LRP3: variants seen among roughly 807,000 people sequenced by gnomAD.
LRP3 encodes LDL receptor related protein 3.
LRP3 carries 49 observed loss-of-function variants against 58.5 expected under a neutral mutation model. The ratio of observed to expected loss-of-function variants is 0.84; its 90% confidence interval spans 0.67 to 1.06. The LOEUF (loss-of-function observed/expected upper bound fraction) is 1.06. Ranked by LOEUF, LRP3 falls within the 50% of genes least tolerant of loss-of-function variation. The pLI, the probability that LRP3 is intolerant of heterozygous loss-of-function variation, is 0.00. For missense variants in LRP3, 1,019 were observed against 1,134.2 expected (o/e 0.90, Z 1.46); for synonymous variants, 485 against 492.2 (o/e 0.99, Z 0.20).
chr19:33,205,127 A>G (rs1192855154), intron 4 of LRP3, 119 bp from the exon 5 acceptor site: 2 of 1,120,806 alleles, frequency 1.8e-6, no homozygotes, highest in Non-Finnish European at 1.3e-6. Context: ...CTGGTGTTGG[A>G]GGGGTCTCTG....
At chr19:33,205,166 C>G in intron 4 of LRP3, 80 bp from the exon 5 acceptor site, 1 of 1,476,206 alleles carries the variant, frequency 6.8e-7, no homozygotes, top group Non-Finnish European at 9.2e-7. Context: ...ACCACCTGCC[C>G]GCTTTTGGCC....
rs188833072 is a variant in LRP3 at position 33,198,185 on chromosome 19, A to G, written c.121+1408A>G. Among the ~76,000 whole-genome samples the G allele has an allele frequency of 2.6e-5, 4 of 152,274 alleles. No homozygotes were observed. The South Asian group carries it at 6.2e-4, about 24-fold the overall frequency. On this transcript the variant is annotated intron_variant, in intron 2 of 6. Coordinates refer to ENST00000253193, the MANE Select transcript of LRP3 (RefSeq NM_002333.4). ...TGGGTGTGTCACCCCAAATGTGTATATACTCCACTTTCAGAAAAGTGCTTC... is the reference window on the plus strand; with the variant it reads ...TGGGTGTGTCACCCCAAATGTGTATGTACTCCACTTTCAGAAAAGTGCTTC...
chr19:33,206,930 G>GC lies in LRP3; in HGVS notation c.1726-57dup, dbSNP rs1456903397. The GC allele has an allele frequency of 5.7e-5, 75 of 1,312,602 alleles. 2 individuals are homozygous for GC. In the Middle Eastern group the frequency reaches 8.2e-4, roughly 14 times the overall value. The allele number at this position is 1,312,602 out of a possible 1,614,324, so 81.3% of individuals were successfully genotyped here. A position where few individuals can be genotyped will look rare whatever the true frequency, so the allele number is the denominator to read the frequency against. ...GGGGTGTGCTGTCTCCTGCCCCTGA[G>GC]CAGCCTGTCTGCCCCCTCAGCCGCA... On this transcript the variant is annotated intron_variant, in intron 6 of 6. Coordinates refer to ENST00000253193, the MANE Select transcript of LRP3 (RefSeq NM_002333.4).
At chr19:33,200,382 G>A (rs1055696035) in intron 2 of LRP3, among the ~76,000 whole-genome samples, 1 of 119,546 alleles carries the variant, frequency 8.4e-6, no homozygotes, top group African/African-American at 3.0e-5. Flanking sequence ...CAGACGCCCA[G>A]TACCACGCCT....
At position 33,207,058 on chromosome 19, in the gene LRP3, C is replaced by T. The variant is rs1974425116; in HGVS notation, c.1796C>T (p.Pro599Leu). The T allele has an allele frequency of 6.7e-7, 1 of 1,486,722 alleles. No homozygotes were observed. Among genetic ancestry groups the T allele is most frequent in the Non-Finnish European group, 8.9e-7 (1 of 1,124,652 alleles). 92.1% of individuals were successfully genotyped at this position (1,486,722 alleles called of 1,614,324 possible). ...CGTCGGCACGCCTCCCGCCGGGGGCCCTCCCGCCGCCGCCTCGGCCGCCTC... is the reference window on the plus strand; with the variant it reads ...CGTCGGCACGCCTCCCGCCGGGGGCTCTCCCGCCGCCGCCTCGGCCGCCTC... ...QMRRHASRRGPSRRRLGRLWN... is the reference protein window; with the variant it reads ...QMRRHASRRGLSRRRLGRLWN... The change falls in exon 7 of 7, where the codon CCC becomes CTC. Residue 599 changes from proline (P) to leucine (L), a missense_variant. By Grantham distance (98) the Pro-to-Leu change is moderately conservative (BLOSUM62 -3). This residue lies in a region of LRP3 where 427 missense variants were observed against 408.6 expected (regional missense o/e 1.04). Transcript: ENST00000253193.
intron 3 of LRP3, chr19:33,204,432 G>A (rs911630682): frequency 1.5e-5 from 9 of 603,544 alleles, no homozygotes; most frequent in Non-Finnish European, 2.7e-5. Context: ...GGAGCCTCCC[G>A]TGCACACCTG....
chr19:33,203,947 A>T (rs941846455), intron 3 of LRP3: 3 of 152,322 alleles, frequency 2.0e-5, no homozygotes, highest in Non-Finnish European at 4.4e-5. Flanking sequence ...TCACAGGGAC[A>T]TTTGGCTGGG....
At position 33,207,697 on chromosome 19, in the gene LRP3, C is replaced by T; in HGVS notation, c.*122C>T. On this transcript the variant is annotated 3_prime_UTR_variant, in exon 7 of 7. Coordinates refer to ENST00000253193, the MANE Select transcript of LRP3 (RefSeq NM_002333.4). ...CCCTCCGGGGACCCCAGCGGAGGGG[C>T]TGGCCCCTAAGCCAGCTGGCTGCAC... The T allele has an allele frequency of 1.3e-6, 1 of 776,144 alleles. No homozygotes were observed. Among genetic ancestry groups the T allele is most frequent in the East Asian group, 2.6e-5 (1 of 38,782 alleles). The allele number at this position is 776,144 out of a possible 1,614,324, so 48.1% of individuals were successfully genotyped here.
Position 33,203,050 on chromosome 19 carries a change from ATGTG to A in LRP3, c.260+73_260+76del, listed in dbSNP as rs528602374. The stretch of plus-strand genomic sequence containing the variant: ...GCCCACGTGCATGGGGTGGGTGAGA[ATGTG>A]TGTGTGTGAGCAGGTGTGGAGGGCA... On this transcript the variant is annotated intron_variant, in intron 3 of 6. Transcript: ENST00000253193. The A allele has an allele frequency of 4.8e-3, 7,591 of 1,571,994 alleles. 26 individuals are homozygous for A. Among genetic ancestry groups the A allele is most frequent in the Non-Finnish European group, 5.5e-3 (6,410 of 1,155,422 alleles).
intron 4 of LRP3, 116 bp downstream of exon 4, chr19:33,204,968 C>T: frequency 1.1e-6 from 1 of 945,776 alleles, no homozygotes; most frequent in Non-Finnish European, 1.6e-6. Flanking sequence ...TGGGATGTCC[C>T]CTGACCGCCC....
intron 6 of LRP3, 81 bp from the exon 7 acceptor site, chr19:33,206,907 G>A (rs1433635888): frequency 2.4e-6 from 3 of 1,228,778 alleles, no homozygotes; most frequent in South Asian, 3.2e-5. Flanking sequence ...GTCCCTTGGG[G>A]GTGTGCTGTC....
chr19:33,201,621 G>T (rs947931139), intron 2 of LRP3, among the ~76,000 whole-genome samples: 1 of 152,140 alleles, frequency 6.6e-6, no homozygotes, highest in Admixed American at 6.5e-5. Context: ...CCATGGGAGA[G>T]TGAGGAGAGA....
chr19:33,194,945 G>A (rs955139655), intron 1 of LRP3, 87 bp downstream of exon 1: 5 of 643,510 alleles, frequency 7.8e-6, no homozygotes, highest in East Asian at 6.2e-5. Context: ...TCCGGCCGCG[G>A]CATCCCGAGC....
intron 4 of LRP3, 95 bp from the exon 5 acceptor site, chr19:33,205,151 G>A: frequency 1.5e-6 from 2 of 1,362,880 alleles, no homozygotes; most frequent in Non-Finnish European, 2.0e-6. Flanking sequence ...CCACAGTGAT[G>A]GGGAACCACC....
rs1232498710 is a variant in LRP3, at chr19:33,207,754, G to GT, written c.*179_*180insT. The GT allele has an allele frequency of 1.2e-4, 43 of 352,880 alleles. No homozygotes were observed. Among genetic ancestry groups the GT allele is most frequent in the Non-Finnish European group, 1.8e-4 (33 of 184,490 alleles). The allele number at this position is 352,880 out of a possible 1,614,324, so 21.9% of individuals were successfully genotyped here. A position where few individuals can be genotyped will look rare whatever the true frequency, so the allele number is the denominator to read the frequency against. On this transcript the variant is annotated 3_prime_UTR_variant, in exon 7 of 7. Coordinates refer to ENST00000253193, the MANE Select transcript of LRP3 (RefSeq NM_002333.4). ...GCGGGAGCTGTGGGACTGAACGGCG[G>GT]GGGGGAGAAGAGTGGAGTGGTGAGC...
chr19:33,206,110 CCGA>C lies in LRP3; in HGVS notation c.1344_1346del (p.Asp448del), dbSNP rs1974405830. On this transcript the variant is annotated inframe_deletion, in exon 5 of 7. Coordinates refer to ENST00000253193, the MANE Select transcript of LRP3 (RefSeq NM_002333.4). ...AACCAGAAAAGCTGTCCCGACGGCG[CCGA>C]CGAGAAGAACTGCTTCTCCTGCCAG... 1 of 1,609,676 alleles carries C rather than the reference CCGA, an allele frequency of 6.2e-7. No homozygotes were observed. The highest frequency in any genetic ancestry group is 8.5e-7 in the Non-Finnish European group (1 of 1,179,144).
chr19:33,207,373 G>T lies in LRP3; in HGVS notation c.2111G>T (p.Arg704Met). The change falls in exon 7 of 7, where the codon AGG becomes ATG. Residue 704 changes from arginine (R) to methionine (M), a missense_variant. This residue lies in a region of LRP3 where 427 missense variants were observed against 408.6 expected (regional missense o/e 1.04). Coordinates refer to ENST00000253193, the MANE Select transcript of LRP3 (RefSeq NM_002333.4). ...GTGGACAAGGACAGAAAGGTCTGCA[G>T]GGAGCCACTGGTAGACGGCCCAGCT... is the stretch of plus-strand genomic sequence containing the variant. ...RPVDKDRKVC[R>M]EPLVDGPAPA... 1 of 1,585,888 alleles carries T rather than the reference G, an allele frequency of 6.3e-7. No individual in the cohort carries two copies. Among genetic ancestry groups the T allele is most frequent in the Non-Finnish European group, 8.5e-7 (1 of 1,171,968 alleles).
In LRP3 at chr19:33,207,885, T is replaced by G; in HGVS notation, c.*310T>G. 2.3e-6 allele frequency: 1 copy of G among 437,092 alleles called. No homozygotes were observed. The highest frequency in any genetic ancestry group is 4.6e-5 in the East Asian group (1 of 21,574). The allele number at this position is 437,092 out of a possible 1,614,324, so 27.1% of individuals were successfully genotyped here. ...AGAGAAGCAGGGGACCAGAGCCTTT[T>G]TGCTTCATCTGCCCTGCAGTGGCAA... On this transcript the variant is annotated 3_prime_UTR_variant, in exon 7 of 7. Coordinates refer to ENST00000253193, the MANE Select transcript of LRP3 (RefSeq NM_002333.4).
chr19:33,199,886 T>C (rs1468845742), intron 2 of LRP3, among the ~76,000 whole-genome samples: 2 of 152,180 alleles, frequency 1.3e-5, no homozygotes, highest in African/African-American at 2.4e-5. Flanking sequence ...CCAGAAAGCG[T>C]GGGTGAGACA....
Sources: gnomAD v4.1 joint callset for allele counts (sites outside exome capture counted in the v4.1 genomes callset) on GRCh38, gnomAD v4.1.1 for gene constraint, gnomAD v4.1.1 regional missense constraint, MANE v1.5 for transcripts, NCBI Gene and HGNC (gene_info 2026-07-23, HGNC 2026-07-21) for gene names.